DLC1: variants seen among roughly 807,000 people sequenced by gnomAD.
The protein encoded by DLC1 is DLC1 Rho GTPase activating protein, also known as rho GTPase-activating protein 7.
In DLC1, 54 loss-of-function variants were observed where a neutral mutation model predicts 140.3. The observed-to-expected ratio is 0.38, with a 90% confidence interval of 0.31 to 0.48. The LOEUF (loss-of-function observed/expected upper bound fraction) is 0.48. Among genes scored for constraint, DLC1 ranks in the 20% least tolerant of loss-of-function variants. The pLI is 0.96. For missense variants in DLC1, 2,536 were observed against 1,907.0 expected, an observed-to-expected ratio of 1.33 and a Z score of -6.14; for synonymous variants, 986 against 728.1, an observed-to-expected ratio of 1.35 and a Z score of -5.70.
chr8:13,206,194 T>C (rs1585908643), intron 5 of DLC1, among the ~76,000 whole-genome samples: 1 of 152,192 alleles, frequency 6.6e-6, no homozygotes, highest in Admixed American at 6.5e-5. Context: ...TAAAGACTCA[T>C]TGAGGAAACA....
chr8:13,210,040 T>C (rs749257903), intron 5 of DLC1, among the ~76,000 whole-genome samples: 2 of 152,170 alleles, frequency 1.3e-5, no homozygotes, highest in African/African-American at 4.8e-5. Flanking sequence ...TTGCTAAATT[T>C]TGGTGTTTGG....
chr8:13,263,598 G>A (rs555201536), intron 5 of DLC1, among the ~76,000 whole-genome samples: 1 of 150,358 alleles, frequency 6.7e-6, no homozygotes, highest in South Asian at 2.1e-4. Context: ...CTGTACATAT[G>A]TGTTTATAAA....
intron 1 of DLC1, among the ~76,000 whole-genome samples, chr8:13,586,589 GCACACACACACACA>G (rs3066494): frequency 1.4e-5 from 2 of 142,942 alleles, no homozygotes; most frequent in Non-Finnish European, 3.0e-5. Flanking sequence ...AGATGCACAT[GCACACACACACACA>G]CACACACACA....
intron 1 of DLC1, among the ~76,000 whole-genome samples, chr8:13,553,353 T>C (rs1803932225): frequency 6.6e-6 from 1 of 150,714 alleles, no homozygotes; most frequent in Non-Finnish European, 1.5e-5. Flanking sequence ...TCATGTGTTG[T>C]AGAGTATCAC....
At chr8:13,156,181 G>T (rs568245484) in intron 5 of DLC1, among the ~76,000 whole-genome samples, 1 of 152,108 alleles carries the variant, frequency 6.6e-6, no homozygotes, top group Non-Finnish European at 1.5e-5. Context: ...AAGTTAGCTT[G>T]CTTAATATAT....
At chr8:13,570,672 G>C (rs1038982639) in intron 1 of DLC1, among the ~76,000 whole-genome samples, 10 of 151,728 alleles carry the variant, frequency 6.6e-5, no homozygotes, top group East Asian at 1.9e-4. Context: ...ATATGTGCCA[G>C]ATTTTCTTAA....
chr8:13,345,672 C>T (rs1240149169), intron 4 of DLC1, among the ~76,000 whole-genome samples: 6 of 150,766 alleles, frequency 4.0e-5, no homozygotes, highest in Non-Finnish European at 1.5e-5. Context: ...GTCCTCCTGC[C>T]TCAGCCTCCC....
chr8:13,200,840 C>T (rs1364315421), intron 5 of DLC1, among the ~76,000 whole-genome samples: 1 of 152,104 alleles, frequency 6.6e-6, no homozygotes, highest in Non-Finnish European at 1.5e-5. Context: ...TCAAGTGATC[C>T]TCCAGACTTG....
At chr8:13,573,301 A>C (rs1314866589) in intron 1 of DLC1, among the ~76,000 whole-genome samples, 1 of 152,166 alleles carries the variant, frequency 6.6e-6, no homozygotes, top group African/African-American at 2.4e-5. Context: ...TGATTTTTGC[A>C]TGCTGGTTTT....
At chr8:13,378,977 T>G (rs289520) in intron 4 of DLC1, among the ~76,000 whole-genome samples, 1 of 151,998 alleles carries the variant, frequency 6.6e-6, no homozygotes, top group East Asian at 1.9e-4. Flanking sequence ...ATGAAAGATA[T>G]TGAAATAATT....
chr8:13,567,227 A>T (rs555090630), intron 1 of DLC1: 125 of 1,551,520 alleles, frequency 8.1e-5, no homozygotes, highest in Non-Finnish European at 1.0e-4. Context: ...TATAAAAATT[A>T]TGAAAAGAAG....
chr8:13,424,899 A>T (rs780368202), intron 2 of DLC1, among the ~76,000 whole-genome samples: 5 of 152,166 alleles, frequency 3.3e-5, no homozygotes, highest in Admixed American at 6.5e-5. Context: ...TTGAGTATTT[A>T]TCGCAATCTC....
chr8:13,157,657 A>T (rs947220796), intron 5 of DLC1, among the ~76,000 whole-genome samples: 2 of 152,142 alleles, frequency 1.3e-5, no homozygotes, highest in African/African-American at 4.8e-5. Flanking sequence ...CTAAAAAGGG[A>T]TGTCTTCAAA....
intron 5 of DLC1, among the ~76,000 whole-genome samples, chr8:13,180,211 C>T (rs1406273753): frequency 1.2e-4 from 18 of 152,162 alleles, no homozygotes; most frequent in Admixed American, 1.2e-3. Context: ...CCCTGCCTGG[C>T]CCTTCCATTG....
chr8:13,364,685 C>A (rs991247596), intron 4 of DLC1, among the ~76,000 whole-genome samples: 1 of 152,106 alleles, frequency 6.6e-6, no homozygotes, highest in Non-Finnish European at 1.5e-5. Context: ...TACATGGATT[C>A]CCTTTTTTGG....
At chr8:13,175,562 T>C (rs1825714737) in intron 5 of DLC1, among the ~76,000 whole-genome samples, 1 of 152,118 alleles carries the variant, frequency 6.6e-6, no homozygotes, top group Admixed American at 6.5e-5. Flanking sequence ...AAAATTCAAC[T>C]TAAAAAAATA....
intron 5 of DLC1, among the ~76,000 whole-genome samples, chr8:13,171,138 C>A (rs990366526): frequency 4.6e-5 from 7 of 152,100 alleles, no homozygotes; most frequent in Non-Finnish European, 1.0e-4. Context: ...AAAGGGAATA[C>A]CTCCTCCCCT....
intron 2 of DLC1, among the ~76,000 whole-genome samples, chr8:13,456,848 A>G (rs1322085950): frequency 1.3e-5 from 2 of 152,224 alleles, no homozygotes; most frequent in African/African-American, 4.8e-5. Context: ...AGCTGTGATT[A>G]TAGTACTCTT....
At chr8:13,477,763 T>C (rs1800502416) in intron 2 of DLC1, among the ~76,000 whole-genome samples, 1 of 152,070 alleles carries the variant, frequency 6.6e-6, no homozygotes, top group Non-Finnish European at 1.5e-5. Flanking sequence ...AATATATTCC[T>C]ACACCAGTCA....
Sources: allele counts gnomAD v4.1 joint callset (sites outside exome capture counted in the v4.1 genomes callset), GRCh38; gene constraint gnomAD v4.1.1; transcripts MANE v1.5; gene names NCBI Gene and HGNC (gene_info 2026-07-23, HGNC 2026-07-21).